IMMP2L: variants seen among roughly 807,000 people sequenced by gnomAD.
IMMP2L encodes the protein mitochondrial inner membrane protease subunit 2.
In IMMP2L, 18 loss-of-function variants were observed where a neutral mutation model predicts 19.3. The observed-to-expected ratio is 0.93, with a 90% CI of 0.64 to 1.38. The LOEUF is 1.38. Ranked by LOEUF, IMMP2L falls within the 40% of genes most tolerant of loss-of-function variation. IMMP2L has a pLI of 0.00. For synonymous variants in IMMP2L, 76 were observed against 73.0 expected, an observed-to-expected ratio of 1.04 and a Z score of -0.21; for missense variants, 233 against 218.2, an observed-to-expected ratio of 1.07 and a Z score of -0.43.
At chr7:111,445,257 C>CA (rs566917726) in intron 3 of IMMP2L, among the ~76,000 whole-genome samples, 18 of 147,820 alleles carry the variant, frequency 1.2e-4, no homozygotes, top group South Asian at 2.1e-4. Context: ...TGTGGGGAGC[C>CA]AAAAAAAAAT....
At chr7:110,670,740 G>A (rs1279327318) in intron 5 of IMMP2L, among the ~76,000 whole-genome samples, 1 of 151,190 alleles carries the variant, frequency 6.6e-6, no homozygotes, top group Non-Finnish European at 1.5e-5. Context: ...ACAACACAGT[G>A]CTAGAAGTCA....
intron 3 of IMMP2L, among the ~76,000 whole-genome samples, chr7:111,070,968 T>C (rs573500997): frequency 3.3e-4 from 50 of 152,320 alleles, no homozygotes; most frequent in African/African-American, 1.2e-3. Flanking sequence ...AATAACATGA[T>C]GTTATATATT....
rs1363260727 is a variant in IMMP2L at position 110,863,972 on chromosome 7, ATGCATAACATACTTACAAAGCAAAGGAG to A, written c.408+22593_408+22620del. ...TCACCCCAAATAGGAAGAAGTAAGG[ATGCATAACATACTTACAAAGCAAAGGAG>A]TGTATAATAGAAACAATACATTCTA... On this transcript the variant is annotated intron_variant, in intron 5 of 5. Transcript: ENST00000405709. Among the ~76,000 whole-genome samples, 4 of 152,248 alleles carry A rather than the reference ATGCATAACATACTTACAAAGCAAAGGAG, an allele frequency of 2.6e-5. No homozygotes were observed. In the East Asian group the frequency reaches 7.7e-4, roughly 29 times the overall value.
At chr7:111,368,665 T>G (rs12333982) in intron 3 of IMMP2L, among the ~76,000 whole-genome samples, 9,568 of 152,036 alleles carry the variant, frequency 0.063, 371 homozygotes, top group South Asian at 0.081. Context: ...AACTCCTTTT[T>G]TGCTTTTAAG....
chr7:111,526,961 A>T (rs1026430912), intron 1 of IMMP2L, among the ~76,000 whole-genome samples: 1 of 152,144 alleles, frequency 6.6e-6, no homozygotes, highest in East Asian at 1.9e-4. Flanking sequence ...GTTGCATTAA[A>T]TTCACATTTC....
At chr7:111,265,287 A>G (rs145551516) in intron 3 of IMMP2L, among the ~76,000 whole-genome samples, 1 of 152,314 alleles carries the variant, frequency 6.6e-6, no homozygotes, top group East Asian at 1.9e-4. Context: ...AATGTATTCT[A>G]TTAAACACTT....
At chr7:111,479,456 A>AT (rs1841996597) in intron 3 of IMMP2L, among the ~76,000 whole-genome samples, 1 of 152,142 alleles carries the variant, frequency 6.6e-6, no homozygotes, top group Admixed American at 6.5e-5. Context: ...GTATGCCTCT[A>AT]TATCTTATTA....
chr7:111,159,369 C>A lies in IMMP2L; in HGVS notation c.240-195804G>T, dbSNP rs112719881. ...GACCTCATGATCCACCCACCTCGGC[C>A]TCCCAAAGTGCTGGGATTACAAGTG... On this transcript the variant is annotated intron_variant, in intron 3 of 5. Transcript: ENST00000405709. Among the ~76,000 whole-genome samples the A allele has an allele frequency of 4.5e-3, 689 of 152,206 alleles. 4 individuals are homozygous for A. The highest frequency in any genetic ancestry group is 0.016 in the African/African-American group (659 of 41,542).
At chr7:110,829,450 TAAATGTGTTATGAATATAGCTCATA>T (rs937897242) in intron 5 of IMMP2L, among the ~76,000 whole-genome samples, 4 of 152,294 alleles carry the variant, frequency 2.6e-5, no homozygotes, top group African/African-American at 9.6e-5. Flanking sequence ...CAATCACATG[TAAATGTGTTATGAATATAGCTCATA>T]AAATGTCTGA....
intron 3 of IMMP2L, among the ~76,000 whole-genome samples, chr7:111,442,242 G>A (rs1837816921): frequency 6.6e-6 from 1 of 151,756 alleles, no homozygotes; most frequent in South Asian, 2.1e-4. Flanking sequence ...CTTTTTGGGA[G>A]CCACTTACCA....
chr7:110,765,263 G>A (rs1466301728), intron 5 of IMMP2L, among the ~76,000 whole-genome samples: 1 of 152,010 alleles, frequency 6.6e-6, no homozygotes, highest in East Asian at 1.9e-4. Context: ...TAAGGTTAAT[G>A]GTGAATAGAA....
At chr7:111,537,497 A>C (rs1847990643) in intron 1 of IMMP2L, among the ~76,000 whole-genome samples, 1 of 140,520 alleles carries the variant, frequency 7.1e-6, no homozygotes, top group African/African-American at 2.6e-5. Flanking sequence ...AAGGCTAATT[A>C]TGATTAGATT....
chr7:111,196,032 CGTTTT>C (rs538288903), intron 3 of IMMP2L, among the ~76,000 whole-genome samples: 5 of 152,048 alleles, frequency 3.3e-5, no homozygotes, highest in South Asian at 2.1e-4. Context: ...CCACATCCAC[CGTTTT>C]GTTTTGTTTT....
At chr7:110,992,373 A>G (rs1822571742) in intron 3 of IMMP2L, among the ~76,000 whole-genome samples, 1 of 152,058 alleles carries the variant, frequency 6.6e-6, no homozygotes, top group Admixed American at 6.6e-5. Flanking sequence ...TGCATAACAT[A>G]ACTAGATTTG....
At chr7:110,697,944 T>G (rs1794002674) in intron 5 of IMMP2L, among the ~76,000 whole-genome samples, 1 of 152,224 alleles carries the variant, frequency 6.6e-6, no homozygotes, top group Non-Finnish European at 1.5e-5. Flanking sequence ...TTTAATAGTT[T>G]GAGAGACTTA....
intron 3 of IMMP2L, among the ~76,000 whole-genome samples, chr7:111,207,662 A>G (rs1348378169): frequency 6.7e-6 from 1 of 148,514 alleles, no homozygotes; most frequent in African/African-American, 2.5e-5. Context: ...CAGCCTCCTG[A>G]GTAGCTGGGA....
At chr7:110,971,658 TTTGCAATAGGACACTTAAGTCTTGC>T (rs1407203658) in intron 3 of IMMP2L, among the ~76,000 whole-genome samples, 14 of 152,126 alleles carry the variant, frequency 9.2e-5, no homozygotes, top group South Asian at 2.1e-4. Flanking sequence ...AAAAGCATTG[TTTGCAATAGGACACTTAAGTCTTGC>T]TTGCAATAGG....
intron 3 of IMMP2L, among the ~76,000 whole-genome samples, chr7:111,236,935 T>C (rs761802874): frequency 6.6e-6 from 1 of 152,160 alleles, no homozygotes; most frequent in Non-Finnish European, 1.5e-5. Flanking sequence ...TTGTTTCTGG[T>C]AGGAAGGCAA....
intron 1 of IMMP2L, among the ~76,000 whole-genome samples, chr7:111,550,451 G>C (rs1849345473): frequency 6.6e-6 from 1 of 152,064 alleles, no homozygotes; most frequent in South Asian, 2.1e-4. Context: ...AATGAACTTT[G>C]GGGGATAATG....
Sources: allele counts gnomAD v4.1 joint callset (sites outside exome capture counted in the v4.1 genomes callset), GRCh38; gene constraint gnomAD v4.1.1; transcripts MANE v1.5; gene names NCBI Gene and HGNC (gene_info 2026-07-23, HGNC 2026-07-21).